The following NOL4 variants were observed in gnomAD, a reference collection of about 807,000 sequenced individuals.
The protein encoded by NOL4 is cancer/testis antigen 125.
NOL4 carries 17 observed loss-of-function variants against 75.9 expected under a neutral mutation model. The observed-to-expected ratio is 0.22, with a 90% CI of 0.15 to 0.34. NOL4 has a LOEUF of 0.34. Ranked by LOEUF, NOL4 falls within the 10% of genes least tolerant of loss-of-function variation. The pLI, the probability that NOL4 is intolerant of heterozygous loss-of-function variation, is 1.00. For missense variants in NOL4, 614 were observed against 793.5 expected (o/e 0.77, Z 2.72); for synonymous variants, 292 against 289.9 (o/e 1.01, Z -0.07).
At chr18:33,919,468 C>T (rs887609709) in intron 9 of NOL4, among the ~76,000 whole-genome samples, 3 of 152,174 alleles carry the variant, frequency 2.0e-5, no homozygotes, top group Admixed American at 6.5e-5. Context: ...TTTTCAGAAA[C>T]GCTGCCTTCA....
intron 1 of NOL4, among the ~76,000 whole-genome samples, chr18:34,208,444 T>C (rs1196825370): frequency 6.7e-6 from 1 of 149,778 alleles, no homozygotes; most frequent in Non-Finnish European, 1.5e-5. Context: ...AAGAAAAAGA[T>C]TAAAAAAAAA....
chr18:34,165,744 T>C (rs2032251355), intron 1 of NOL4, among the ~76,000 whole-genome samples: 1 of 152,166 alleles, frequency 6.6e-6, no homozygotes, highest in Non-Finnish European at 1.5e-5. Context: ...TTTTTATTAA[T>C]AGTAGACATC....
chr18:33,905,435 G>A (rs2065979625), intron 9 of NOL4, among the ~76,000 whole-genome samples: 1 of 152,070 alleles, frequency 6.6e-6, no homozygotes, highest in Non-Finnish European at 1.5e-5. Context: ...CAGAAACCAG[G>A]AAAACAGTGG....
intron 1 of NOL4, among the ~76,000 whole-genome samples, chr18:34,163,894 T>C (rs1255923926): frequency 6.6e-6 from 1 of 152,026 alleles, no homozygotes; most frequent in African/African-American, 2.4e-5. Flanking sequence ...AAAACAGAGA[T>C]ATAGATCAAT....
At chr18:33,894,804 G>A (rs1469128782) in intron 9 of NOL4, among the ~76,000 whole-genome samples, 1 of 152,104 alleles carries the variant, frequency 6.6e-6, no homozygotes, top group African/African-American at 2.4e-5. Context: ...TAGAATTATG[G>A]TTACCCAGCC....
At chr18:33,984,149 A>G (rs1461638545) in intron 6 of NOL4, among the ~76,000 whole-genome samples, 1 of 152,148 alleles carries the variant, frequency 6.6e-6, no homozygotes, top group East Asian at 1.9e-4. Context: ...TCAACAACAA[A>G]GAAACTAAGG....
chr18:33,983,491 C>A (rs1311174642), intron 6 of NOL4, among the ~76,000 whole-genome samples: 2 of 151,630 alleles, frequency 1.3e-5, no homozygotes, highest in African/African-American at 4.9e-5. Flanking sequence ...CACACATGCA[C>A]ACACACAGAT....
chr18:33,870,956 T>C (rs1370732427), intron 10 of NOL4, among the ~76,000 whole-genome samples: 1 of 152,010 alleles, frequency 6.6e-6, no homozygotes, highest in Non-Finnish European at 1.5e-5. Context: ...TTGTAATCAG[T>C]TTTAATTCTG....
chr18:33,993,595 T>C (rs113427033), intron 6 of NOL4, among the ~76,000 whole-genome samples: 1 of 151,732 alleles, frequency 6.6e-6, no homozygotes, highest in African/African-American at 2.4e-5. Context: ...ATGGCCCGTA[T>C]ACTGGAAATA....
At chr18:33,870,700 T>C (rs1377963377) in intron 10 of NOL4, among the ~76,000 whole-genome samples, 1 of 151,496 alleles carries the variant, frequency 6.6e-6, no homozygotes, top group Non-Finnish European at 1.5e-5. Flanking sequence ...AGGAATAAAA[T>C]GTAAAAAAAA....
chr18:33,957,553 G>C (rs753114090), intron 7 of NOL4, 36 bp from the exon 8 acceptor site: 30 of 1,534,728 alleles, frequency 2.0e-5, no homozygotes, highest in Non-Finnish European at 2.4e-5. Flanking sequence ...GAAGGGTTTG[G>C]AGGGCTGCTC....
chr18:33,980,271 T>C (rs950286843), intron 6 of NOL4, among the ~76,000 whole-genome samples: 2 of 152,038 alleles, frequency 1.3e-5, no homozygotes, highest in Non-Finnish European at 2.9e-5. Context: ...CTCAGTGTGA[T>C]GGACAAGCCT....
At chr18:33,932,432 A>G (rs1273959293) in intron 9 of NOL4, among the ~76,000 whole-genome samples, 1 of 152,080 alleles carries the variant, frequency 6.6e-6, no homozygotes, top group Non-Finnish European at 1.5e-5. Flanking sequence ...CTTTTATAGG[A>G]ATAAAATAGA....
At chr18:33,921,853 C>G (rs1000066416) in intron 9 of NOL4, among the ~76,000 whole-genome samples, 1 of 152,154 alleles carries the variant, frequency 6.6e-6, no homozygotes, top group Non-Finnish European at 1.5e-5. Flanking sequence ...AGCATTCATC[C>G]CCCTTCCCCT....
intron 5 of NOL4, among the ~76,000 whole-genome samples, chr18:34,058,423 T>C (rs192301385): frequency 8.3e-4 from 127 of 152,320 alleles, no homozygotes; most frequent in African/African-American, 2.9e-3. Context: ...CATGAGCCAC[T>C]GCGCCCGGCC....
chr18:34,185,157 T>C (rs1460401817), intron 1 of NOL4, among the ~76,000 whole-genome samples: 1 of 152,144 alleles, frequency 6.6e-6, no homozygotes, highest in Non-Finnish European at 1.5e-5. Context: ...ACTAAAGCAA[T>C]GTTGATGTTC....
At chr18:33,904,976 A>G (rs952710254) in intron 9 of NOL4, among the ~76,000 whole-genome samples, 1 of 152,168 alleles carries the variant, frequency 6.6e-6, no homozygotes, top group African/African-American at 2.4e-5. Flanking sequence ...CAGTCTAAAA[A>G]GAAGCATCAA....
At chr18:34,112,745 T>C (rs1484299059) in intron 2 of NOL4, among the ~76,000 whole-genome samples, 1 of 152,116 alleles carries the variant, frequency 6.6e-6, no homozygotes, top group Non-Finnish European at 1.5e-5. Flanking sequence ...GGTACAAAGT[T>C]TCCATCATGT....
At chr18:33,911,242 C>T (rs1336075211) in intron 9 of NOL4, among the ~76,000 whole-genome samples, 2 of 143,718 alleles carry the variant, frequency 1.4e-5, no homozygotes, top group African/African-American at 5.2e-5. Context: ...TTTGCATTTA[C>T]TATCCTGGTA....
Sources: gnomAD v4.1 joint callset for allele counts (sites outside exome capture counted in the v4.1 genomes callset) on GRCh38, gnomAD v4.1.1 for gene constraint, MANE v1.5 for transcripts, NCBI Gene and HGNC (gene_info 2026-07-23, HGNC 2026-07-21) for gene names.